Variants in MYO18B observed in about 807,000 individuals in gnomAD.
MYO18B encodes the protein unconventional myosin-XVIIIb.
Under a neutral mutation model 273.0 loss-of-function variants are expected in MYO18B, and 204 were observed. The ratio of observed to expected loss-of-function variants is 0.75; its 90% confidence interval spans 0.67 to 0.84. MYO18B has a LOEUF of 0.84. MYO18B is among the 40% of genes least tolerant of loss of function. The pLI is 0.00. For missense variants in MYO18B, 3,212 were observed against 3,287.6 expected, an observed-to-expected ratio of 0.98 and a Z score of 0.56; for synonymous variants, 1,330 against 1,305.7, an observed-to-expected ratio of 1.02 and a Z score of -0.40.
chr22:25,900,145 A>G (rs2091903203), intron 29 of MYO18B: 1 of 152,134 alleles, frequency 6.6e-6, no homozygotes, highest in Non-Finnish European at 1.5e-5. Flanking sequence ...CAAAGTTCCT[A>G]TTTCTTCATA....
chr22:25,926,082 G>C (rs1345177168), intron 34 of MYO18B, among the ~76,000 whole-genome samples: 1 of 151,640 alleles, frequency 6.6e-6, no homozygotes, highest in Non-Finnish European at 1.5e-5. Context: ...ACAGGAGCCT[G>C]TAGTTCCAGC....
chr22:25,754,076 C>T (rs2086031074), intron 1 of MYO18B, among the ~76,000 whole-genome samples: 1 of 152,184 alleles, frequency 6.6e-6, no homozygotes, highest in African/African-American at 2.4e-5. Flanking sequence ...ATGTGCTAGG[C>T]ACTAAGGACT....
intron 12 of MYO18B, 50 bp from the exon 13 acceptor site, chr22:25,823,455 C>T (rs1165718722): frequency 6.3e-7 from 1 of 1,583,908 alleles, no homozygotes. Flanking sequence ...TGTTCATTCA[C>T]CCCATGCCCA....
At chr22:26,033,586 C>A (rs1012249402), downstream of MYO18B, among the ~76,000 whole-genome samples, 1 of 152,120 alleles carries the variant, frequency 6.6e-6, no homozygotes, top group Non-Finnish European at 1.5e-5. Flanking sequence ...AAACAGAAAT[C>A]CTGAAGATGC....
chr22:25,950,692 C>T (rs530126750), intron 37 of MYO18B, among the ~76,000 whole-genome samples: 11 of 152,244 alleles, frequency 7.2e-5, no homozygotes, highest in African/African-American at 2.6e-4. Flanking sequence ...CCGCCTCAGC[C>T]TCCCAAGTAG....
At position 25,921,193 on chromosome 22, in the gene MYO18B, G is replaced by A. The variant is rs739285; in HGVS notation, c.5365-64G>A. On this transcript the variant is annotated intron_variant, in intron 33 of 43. Coordinates refer to ENST00000335473, the MANE Select transcript of MYO18B (RefSeq NM_032608.7). ...GATTTAAACCAGGGAACCTGATTCC[G>A]GAAAACTTAGACCCTGGCCACTGCT... is the stretch of plus-strand genomic sequence containing the variant. 0.4 allele frequency: 597,503 copies of A among 1,482,144 alleles called. 124,106 individuals carry two copies. Among genetic ancestry groups the A allele is most frequent in the Non-Finnish European group, 0.43 (474,989 of 1,105,040 alleles). 91.8% of individuals were successfully genotyped at this position (1,482,144 alleles called of 1,614,324 possible).
rs538216564 is a variant in MYO18B, at chr22:25,849,375, A to G, written c.3775+1723A>G. Among the ~76,000 whole-genome samples, 4 of 152,040 alleles carry G rather than the reference A, an allele frequency of 2.6e-5. No individual in the cohort carries two copies. The East Asian group carries it at 5.8e-4, about 22-fold the overall frequency. ...TGGTTCATTTCCTCTTTTTATTTCTATTGTAAGTCATGTTTGTCTCTTTCA... is the reference window on the plus strand; with the variant it reads ...TGGTTCATTTCCTCTTTTTATTTCTGTTGTAAGTCATGTTTGTCTCTTTCA... On this transcript the variant is annotated intron_variant, in intron 20 of 43. Transcript: ENST00000335473.
intron 37 of MYO18B, among the ~76,000 whole-genome samples, chr22:25,950,902 C>A (rs2092785532): frequency 6.6e-6 from 1 of 152,166 alleles, no homozygotes; most frequent in Non-Finnish European, 1.5e-5. Flanking sequence ...ACTTACATGA[C>A]CACAAGGTCC....
chr22:25,829,803 A>C (rs1336074886), intron 15 of MYO18B, among the ~76,000 whole-genome samples: 1 of 151,964 alleles, frequency 6.6e-6, no homozygotes, highest in Non-Finnish European at 1.5e-5. Flanking sequence ...GCGCCACTGC[A>C]CTCCAGCCTG....
At chr22:25,967,111 C>T (rs1430212870) in intron 39 of MYO18B, among the ~76,000 whole-genome samples, 2 of 152,178 alleles carry the variant, frequency 1.3e-5, no homozygotes, top group African/African-American at 4.8e-5. Context: ...AACAGAGGAG[C>T]AGATACTAAT....
chr22:25,932,909 T>TG, intron 34 of MYO18B, among the ~76,000 whole-genome samples: 1 of 152,204 alleles, frequency 6.6e-6, no homozygotes, highest in Admixed American at 6.5e-5. Context: ...CCTCTTGACC[T>TG]GCCAAGCCTA....
At chr22:25,830,343 G>A (rs572429457) in intron 15 of MYO18B, among the ~76,000 whole-genome samples, 40 of 152,114 alleles carry the variant, frequency 2.6e-4, no homozygotes, top group Admixed American at 4.6e-4. Context: ...ATAATGCTGC[G>A]TAATAAACTA....
intron 14 of MYO18B, among the ~76,000 whole-genome samples, chr22:25,826,868 T>G (rs2089511405): frequency 6.6e-6 from 1 of 152,146 alleles, no homozygotes; most frequent in South Asian, 2.1e-4. Flanking sequence ...AAGACCAGCC[T>G]GGCCAACATG....
In MYO18B at chr22:25,979,794, C is replaced by G. The variant is rs190565745; in HGVS notation, c.6157-12569C>G. ...TGCCTTGAAGCCTGATCCCTCCTCC[C>G]TTTCCCTTCCCCTTCTCCATCCCAA... On this transcript the variant is annotated intron_variant, in intron 39 of 43. Coordinates refer to ENST00000335473, the MANE Select transcript of MYO18B (RefSeq NM_032608.7). Among the ~76,000 whole-genome samples the G allele has an allele frequency of 6.6e-5, 10 of 152,260 alleles. No homozygotes were observed. In the East Asian group the frequency reaches 1.9e-3, roughly 29 times the overall value.
intron 37 of MYO18B, among the ~76,000 whole-genome samples, chr22:25,951,558 C>G (rs2092793127): frequency 6.6e-6 from 1 of 152,224 alleles, no homozygotes; most frequent in South Asian, 2.1e-4. Flanking sequence ...AAGACAGGAT[C>G]ACGATCCTCT....
intron 39 of MYO18B, among the ~76,000 whole-genome samples, chr22:25,979,314 G>A (rs1170011932): frequency 6.6e-6 from 1 of 152,132 alleles, no homozygotes; most frequent in Admixed American, 6.5e-5. Context: ...CAGTATATGC[G>A]GTGCAGATAA....
Position 25,770,974 on chromosome 22 carries a change from A to G in MYO18B, c.1682A>G (p.His561Arg), listed in dbSNP as rs1360730478. 4 of 1,551,928 alleles carry G rather than the reference A, an allele frequency of 2.6e-6. No homozygotes were observed. Among genetic ancestry groups the G allele is most frequent in the African/African-American group, 2.7e-5 (2 of 73,046 alleles). ...DKTITEVDEE[H>R]VHRANPPELD... ...ACCATCACTGAGGTGGATGAGGAGC[A>G]TGTCCATCGGGTGAGTCCCCTGTCC... Residue 561 changes from histidine to arginine, a missense_variant, in exon 6 of 44, where the codon CAT (histidine) becomes CGT (arginine). Coordinates refer to ENST00000335473, the MANE Select transcript of MYO18B (RefSeq NM_032608.7).
At chr22:25,780,273 C>A in intron 9 of MYO18B, 75 bp downstream of exon 9, 2 of 1,490,576 alleles carry the variant, frequency 1.3e-6, no homozygotes, top group South Asian at 1.2e-5. Flanking sequence ...CAGCAGAGCC[C>A]ACGCCTCCAG....
At chr22:25,826,263 A>G in intron 13 of MYO18B, 146 bp from the exon 14 acceptor site, 1 of 580,732 alleles carries the variant, frequency 1.7e-6, no homozygotes. Context: ...TGTCCTAAGA[A>G]CCTGGGGAAA....
Sources: gnomAD v4.1 joint callset for allele counts (sites outside exome capture counted in the v4.1 genomes callset) on GRCh38, gnomAD v4.1.1 for gene constraint, MANE v1.5 for transcripts, NCBI Gene and HGNC (gene_info 2026-07-23, HGNC 2026-07-21) for gene names.